The following FAHD1 variants were observed in gnomAD, a reference collection of about 807,000 sequenced individuals.
FAHD1 encodes FAH domain containing oxaloacetate decarboxylase 1, also known as oxaloacetate tautomerase FAHD1, mitochondrial.
Under a neutral mutation model 12.7 loss-of-function variants are expected in FAHD1, and 14 were observed. That is an observed-to-expected ratio of 1.10 (90% confidence interval 0.73 to 1.72). The LOEUF is 1.72. Ranked by LOEUF, FAHD1 falls within the 40% of genes most tolerant of loss-of-function variation. FAHD1 has a pLI of 0.00. For missense variants in FAHD1, 351 were observed against 298.9 expected (o/e 1.17, Z -1.29); for synonymous variants, 153 against 124.9 (o/e 1.22, Z -1.50).
rs1234777137 is a variant in FAHD1, at chr16:1,827,962, A to G, written c.*58A>G. The G allele has an allele frequency of 5.1e-6, 8 of 1,569,490 alleles. No homozygotes were observed. In the East Asian group the frequency reaches 1.3e-4, roughly 26 times the overall value. On this transcript the variant is annotated 3_prime_UTR_variant, in exon 1 of 1. Transcript: ENST00000427358. ...AGCAAGACAAGAGCAAGCAACGGCT[A>G]TTAAATGTCACAATCCTTTAATTAG...
chr16:1,831,340 C>T (rs920462953), downstream of FAHD1, among the ~76,000 whole-genome samples: 1 of 152,026 alleles, frequency 6.6e-6, no homozygotes, highest in African/African-American at 2.4e-5. Flanking sequence ...AGAAGAGAAG[C>T]GTAATGAAGC....
intron 1 of FAHD1, among the ~76,000 whole-genome samples, chr16:1,834,836 G>A (rs1483797212): frequency 1.3e-5 from 2 of 152,214 alleles, no homozygotes; most frequent in Non-Finnish European, 2.9e-5. Flanking sequence ...TCAGAAGGCT[G>A]AGGCAGGAGA....
Position 1,839,351 on chromosome 16 carries a change from G to A in FAHD1, c.*98G>A, listed in dbSNP as rs770995208. On this transcript the variant is annotated 3_prime_UTR_variant, in exon 3 of 3. Coordinates refer to the FAHD1 transcript ENST00000382666. The stretch of plus-strand genomic sequence containing the variant: ...TCAGATCAATCAGCACATGGAAACT[G>A]AGAAAGACAGATTTAAAGTCCAAGG... 3.7e-6 allele frequency: 6 copies of A among 1,614,044 alleles called. No individual in the cohort carries two copies. In the African/African-American group the frequency reaches 5.3e-5, roughly 14 times the overall value.
chr16:1,829,501 T>C (rs1237209374), downstream of FAHD1, among the ~76,000 whole-genome samples: 1 of 152,124 alleles, frequency 6.6e-6, no homozygotes, highest in East Asian at 1.9e-4. Context: ...ACGTGAAGTT[T>C]TGACCACAAT....
At chr16:1,830,333 C>T (rs117056772), downstream of FAHD1, among the ~76,000 whole-genome samples, 1 of 152,332 alleles carries the variant, frequency 6.6e-6, no homozygotes, top group East Asian at 1.9e-4. Context: ...AGTATCAGCA[C>T]ATGTGCTGTT....
At chr16:1,832,814 A>C (rs985076439), downstream of FAHD1, among the ~76,000 whole-genome samples, 11 of 151,338 alleles carry the variant, frequency 7.3e-5, no homozygotes, top group Non-Finnish European at 1.6e-4. Flanking sequence ...GGCTTCACAA[A>C]CCCCCCAGTT....
chr16:1,828,136 C>A (rs1287107421), exon 1 of FAHD1: 1 of 908,934 alleles, frequency 1.1e-6, no homozygotes, highest in East Asian at 4.1e-5. Flanking sequence ...AAAAAATTAG[C>A]CGGGCGTGGT....
At chr16:1,827,213 G>C (rs1235648628) in exon 1 of FAHD1, 1 of 1,584,886 alleles carries the variant, frequency 6.3e-7, no homozygotes, top group African/African-American at 1.3e-5. Flanking sequence ...CAGCCCACGT[G>C]ACTACAGGGG....
Position 1,827,738 on chromosome 16 carries a change from C to T in FAHD1, c.500C>T (p.Pro167Leu), listed in dbSNP as rs367867345. Residue 167 changes from proline (P) to leucine (L), a missense_variant, in exon 1 of 1, where the codon CCC becomes CTC. By Grantham distance (98) the Pro-to-Leu change is moderately conservative. Coordinates refer to ENST00000427358, the Ensembl canonical transcript of FAHD1. The stretch of plus-strand genomic sequence containing the variant: ...ACATCCTCCATGATTTTTTCCATCC[C>T]CTACATCATCAGCTATGTTTCTAAG... 12 of 1,613,994 alleles carry T rather than the reference C, an allele frequency of 7.4e-6. No homozygotes were observed. The African/African-American group carries it at 1.6e-4, about 22-fold the overall frequency.
chr16:1,837,384 G>A (rs1207299332), intron 1 of FAHD1, among the ~76,000 whole-genome samples: 1 of 152,010 alleles, frequency 6.6e-6, no homozygotes, highest in African/African-American at 2.4e-5. Context: ...TGGGGTTCAG[G>A]GGCCAAGAGA....
intron 2 of FAHD1, among the ~76,000 whole-genome samples, chr16:1,838,816 T>A (rs868595811): frequency 1.1e-4 from 16 of 152,112 alleles, no homozygotes; most frequent in South Asian, 2.1e-4. Flanking sequence ...CCCAGCCTCC[T>A]GAGTAGCTAG....
chr16:1,827,381 C>T (rs1302202125), exon 1 of FAHD1: 1 of 1,612,280 alleles, frequency 6.2e-7, no homozygotes, highest in African/African-American at 1.3e-5. Context: ...CCGTCCACGG[C>T]CTACGCGCCC....
chr16:1,827,261 C>G, exon 1 of FAHD1: 3 of 1,611,566 alleles, frequency 1.9e-6, no homozygotes, highest in Middle Eastern at 3.3e-4. Flanking sequence ...AGGCCATTGT[C>G]CCGCTTCTGG....
At chr16:1,828,700 C>G (rs765298470) in exon 1 of FAHD1, 63 of 918,054 alleles carry the variant, frequency 6.9e-5, no homozygotes, top group Non-Finnish European at 7.8e-5. Flanking sequence ...TCCAGTGAAG[C>G]TGTGTTTACA....
At chr16:1,837,223 C>T (rs1474373856) in intron 1 of FAHD1, among the ~76,000 whole-genome samples, 1 of 152,116 alleles carries the variant, frequency 6.6e-6, no homozygotes, top group Non-Finnish European at 1.5e-5. Context: ...TGCAGGGTCT[C>T]ACAGGCTGAG....
At chr16:1,840,033 A>G (rs796328645) in exon 3 of FAHD1, 8 of 152,312 alleles carry the variant, frequency 5.3e-5, no homozygotes, top group African/African-American at 1.9e-4. Context: ...ATGCTATTCC[A>G]TATTTCTGAA....
chr16:1,827,265 C>T (rs781358600), exon 1 of FAHD1: 2 of 1,612,118 alleles, frequency 1.2e-6, no homozygotes. Flanking sequence ...CATTGTCCCG[C>T]TTCTGGGAGT....
chr16:1,833,554 C>CTTTTTTTTTTT (rs769668788), downstream of FAHD1, among the ~76,000 whole-genome samples: 1 of 114,288 alleles, frequency 8.7e-6, no homozygotes, highest in Non-Finnish European at 1.7e-5. Context: ...TTTAGAGGTA[C>CTTTTTTTTTTT]TTTTTTTTTT....
In FAHD1 at chr16:1,839,513, G is replaced by C. The variant is rs1898842113; in HGVS notation, c.*260G>C. Reference sequence around the variant, plus strand: ...TTTCATCTGTAGCAGAAAAAGAATTGTCACTAAAAACTCTACGACAGTGTG... The same window carrying C: ...TTTCATCTGTAGCAGAAAAAGAATTCTCACTAAAAACTCTACGACAGTGTG... On this transcript the variant is annotated 3_prime_UTR_variant, in exon 3 of 3. Transcript: ENST00000382666. 5.9e-6 allele frequency: 8 copies of C among 1,366,906 alleles called. No individual in the cohort carries two copies. The South Asian group carries it at 1.1e-4, about 19-fold the overall frequency. 84.7% of individuals were successfully genotyped at this position (1,366,906 alleles called of 1,614,324 possible).
Sources: gnomAD v4.1 joint callset for allele counts (sites outside exome capture counted in the v4.1 genomes callset) on GRCh38, gnomAD v4.1.1 for gene constraint, MANE v1.5 for transcripts, NCBI Gene and HGNC (gene_info 2026-07-23, HGNC 2026-07-21) for gene names.